The following CATSPERB variants were observed in gnomAD, a reference collection of about 807,000 sequenced individuals.
CATSPERB encodes cation channel sperm-associated auxiliary subunit beta.
In CATSPERB, 93 loss-of-function variants were observed where a neutral mutation model predicts 128.3. The ratio of observed to expected loss-of-function variants is 0.72; its 90% CI spans 0.61 to 0.86. CATSPERB has a LOEUF of 0.86. Among genes scored for constraint, CATSPERB ranks in the 40% least tolerant of loss-of-function variants. The pLI is 0.00. For synonymous variants in CATSPERB, 381 were observed against 448.8 expected, an observed-to-expected ratio of 0.85 and a Z score of 1.91; for missense variants, 1,153 against 1,329.5, an observed-to-expected ratio of 0.87 and a Z score of 2.06.
At chr14:91,594,466 T>A (rs910530304) in intron 22 of CATSPERB, among the ~76,000 whole-genome samples, 34 of 147,948 alleles carry the variant, frequency 2.3e-4, no homozygotes, top group Middle Eastern at 6.8e-3. Flanking sequence ...ACCCTAAAAC[T>A]TAAAGTATAA....
intron 19 of CATSPERB, among the ~76,000 whole-genome samples, chr14:91,620,899 T>C (rs1335046612): frequency 6.6e-6 from 1 of 152,216 alleles, no homozygotes; most frequent in African/African-American, 2.4e-5. Flanking sequence ...TCTGCAGAGT[T>C]CAAACTGGTG....
chr14:91,638,605 A>T (rs1894425770), intron 16 of CATSPERB, among the ~76,000 whole-genome samples: 1 of 152,158 alleles, frequency 6.6e-6, no homozygotes, highest in Admixed American at 6.5e-5. Context: ...ATTCTTTGGT[A>T]GAGATGGGGT....
At chr14:91,585,174 G>C (rs1042986225) in intron 26 of CATSPERB, among the ~76,000 whole-genome samples, 1 of 151,926 alleles carries the variant, frequency 6.6e-6, no homozygotes, top group African/African-American at 2.4e-5. Context: ...GTGCCTCCAT[G>C]CCTGGCTAAT....
chr14:91,726,105 G>C (rs1467715171), intron 2 of CATSPERB, among the ~76,000 whole-genome samples: 1 of 152,176 alleles, frequency 6.6e-6, no homozygotes, highest in Non-Finnish European at 1.5e-5. Flanking sequence ...AGACACCTCA[G>C]GCCATTCAGT....
intron 22 of CATSPERB, among the ~76,000 whole-genome samples, chr14:91,600,028 G>C (rs1227784755): frequency 6.6e-6 from 1 of 152,186 alleles, no homozygotes; most frequent in Non-Finnish European, 1.5e-5. Flanking sequence ...CCATTCATCA[G>C]TTAATGCGCA....
At chr14:91,683,377 T>G (rs1180855018) in intron 11 of CATSPERB, among the ~76,000 whole-genome samples, 1 of 152,252 alleles carries the variant, frequency 6.6e-6, no homozygotes, top group Non-Finnish European at 1.5e-5. Flanking sequence ...AATGGAAAGT[T>G]GCAACTGAGT....
chr14:91,592,122 G>C, intron 22 of CATSPERB, 120 bp from the exon 23 acceptor site: 1 of 708,580 alleles, frequency 1.4e-6, no homozygotes, highest in Non-Finnish European at 2.5e-6. Context: ...AAGTTAAAAG[G>C]GGAAAGCAAT....
intron 4 of CATSPERB, among the ~76,000 whole-genome samples, chr14:91,721,642 G>A (rs530924689): frequency 7.3e-4 from 111 of 152,202 alleles, no homozygotes; most frequent in South Asian, 1.9e-3. Context: ...AAGGTCAGGA[G>A]ATCAAGACCA....
chr14:91,584,288 C>T (rs1704598), intron 26 of CATSPERB, among the ~76,000 whole-genome samples: 105,169 of 151,770 alleles, frequency 0.69, 36,964 homozygotes, highest in East Asian at 0.96. Flanking sequence ...AGGCTGGTCT[C>T]GAACTCCTGA....
chr14:91,604,456 T>C (rs879177255), intron 22 of CATSPERB: 2 of 1,479,896 alleles, frequency 1.4e-6, no homozygotes, highest in South Asian at 2.3e-5. Flanking sequence ...AATCCACAGC[T>C]TGTGGAGTAC....
chr14:91,687,510 C>T (rs933819880), intron 10 of CATSPERB, among the ~76,000 whole-genome samples: 2 of 152,148 alleles, frequency 1.3e-5, no homozygotes, highest in African/African-American at 4.8e-5. Flanking sequence ...AGGAAGGCAG[C>T]CCTCACCAGA....
Position 91,610,642 on chromosome 14 carries a change from G to A in CATSPERB, c.2436C>T (p.Ala812=), listed in dbSNP as rs1394708513. ...STSLAFIMWS[A]STECFVTTMV... ...TTGTCGTAACAAAGCACTCAGTAGA[G>A]GCTGACCACATAATAAATGCCAGTG... The change falls in exon 21 of 27, where the codon GCC becomes GCT. Residue 812 remains alanine (A), a synonymous_variant. Transcript: ENST00000256343. The A allele has an allele frequency of 3.1e-6, 5 of 1,614,072 alleles. No individual in the cohort carries two copies. The South Asian group carries it at 4.4e-5, about 14-fold the overall frequency.
chr14:91,708,011 T>C, intron 6 of CATSPERB, 130 bp downstream of exon 6: 1 of 672,942 alleles, frequency 1.5e-6, no homozygotes, highest in Non-Finnish European at 2.6e-6. Flanking sequence ...TCAAGGGTCA[T>C]GATTATCTCC....
In CATSPERB at chr14:91,693,952, A is replaced by G. The variant is rs111598151; in HGVS notation, c.617-473T>C. On this transcript the variant is annotated intron_variant, in intron 7 of 26. Coordinates refer to ENST00000256343, the MANE Select transcript of CATSPERB (RefSeq NM_024764.4). ...GCATTTTTATCACTGGAGATAGGGA[A>G]CCCTTATCTGCCATTAGTTCCCCTA... Among the ~76,000 whole-genome samples, 789 of 152,222 alleles carry G rather than the reference A, an allele frequency of 5.2e-3. 9 individuals carry two copies. The highest frequency in any genetic ancestry group is 0.018 in the African/African-American group (740 of 41,534).
At chr14:91,710,949 C>G (rs1327176266) in intron 5 of CATSPERB, among the ~76,000 whole-genome samples, 3 of 152,204 alleles carry the variant, frequency 2.0e-5, no homozygotes, top group Non-Finnish European at 4.4e-5. Flanking sequence ...TGAGTGTCTA[C>G]AGTCTCCACA....
chr14:91,731,072 A>G (rs1415083461), intron 1 of CATSPERB, among the ~76,000 whole-genome samples: 2 of 152,242 alleles, frequency 1.3e-5, no homozygotes, highest in African/African-American at 2.4e-5. Context: ...TCCCTTTACC[A>G]GAAAAATCTT....
At chr14:91,689,382 C>T (rs983560972) in intron 10 of CATSPERB, among the ~76,000 whole-genome samples, 1 of 152,188 alleles carries the variant, frequency 6.6e-6, no homozygotes, top group African/African-American at 2.4e-5. Flanking sequence ...TCAAAGCAGG[C>T]TCCCAGTGAG....
intron 22 of CATSPERB, chr14:91,604,440 G>C: frequency 7.1e-7 from 1 of 1,404,224 alleles, no homozygotes; most frequent in Non-Finnish European, 1.0e-6. Flanking sequence ...GAGTAGTTTA[G>C]GAATAAATCC....
At chr14:91,635,798 G>A (rs150514584) in intron 17 of CATSPERB, 2 of 152,336 alleles carry the variant, frequency 1.3e-5, no homozygotes, top group Non-Finnish European at 2.9e-5. Flanking sequence ...TACATTAAAT[G>A]TGTTGGTCTC....
Sources: gnomAD v4.1 joint callset for allele counts (sites outside exome capture counted in the v4.1 genomes callset) on GRCh38, gnomAD v4.1.1 for gene constraint, MANE v1.5 for transcripts, NCBI Gene and HGNC (gene_info 2026-07-23, HGNC 2026-07-21) for gene names.